The following HS6ST3 variants were observed in gnomAD, a reference collection of about 807,000 sequenced individuals.
The protein encoded by HS6ST3 is heparan sulfate 6-O-sulfotransferase 3, also known as heparan-sulfate 6-O-sulfotransferase 3.
In HS6ST3, 12 loss-of-function variants were observed where a neutral mutation model predicts 36.7. The observed-to-expected ratio is 0.33, with a 90% CI of 0.21 to 0.53. HS6ST3 has a LOEUF of 0.53. Among genes scored for constraint, HS6ST3 ranks in the 20% least tolerant of loss-of-function variants. The pLI is 0.95. For missense variants in HS6ST3, 584 were observed against 640.9 expected (o/e 0.91, Z 0.96); for synonymous variants, 240 against 257.5 (o/e 0.93, Z 0.65).
chr13:96,798,691 G>A (rs990520113), intron 1 of HS6ST3, among the ~76,000 whole-genome samples: 2 of 151,930 alleles, frequency 1.3e-5, no homozygotes, highest in African/African-American at 4.8e-5. Flanking sequence ...ATAGAGTTAG[G>A]GTAAGGATAA....
intron 1 of HS6ST3, among the ~76,000 whole-genome samples, chr13:96,374,952 A>G (rs117863023): frequency 0.045 from 6,830 of 152,198 alleles, 209 homozygotes; most frequent in Middle Eastern, 0.082. Context: ...TTTACCATTC[A>G]TAAGCTTTTC....
chr13:96,535,726 G>A (rs1397854820), intron 1 of HS6ST3, among the ~76,000 whole-genome samples: 1 of 152,144 alleles, frequency 6.6e-6, no homozygotes, highest in Admixed American at 6.5e-5. Flanking sequence ...ACAGGTAGTA[G>A]ATGAGGGAAT....
chr13:96,310,797 T>C lies in HS6ST3; in HGVS notation c.707+219228T>C, dbSNP rs1224233021. ...TGTGGCATTTTTTTGGGTTCTTCTC[T>C]TTTTCAGTGCTACCCTTAATATTCA... On this transcript the variant is annotated intron_variant, in intron 1 of 1. Coordinates refer to ENST00000376705, the MANE Select transcript of HS6ST3 (RefSeq NM_153456.4). 3.3e-5 allele frequency among the ~76,000 whole-genome samples: 5 copies of C among 152,188 alleles called. No homozygotes were observed. In the South Asian group the frequency reaches 6.2e-4, roughly 19 times the overall value.
At chr13:96,412,457 A>G (rs1412531886) in intron 1 of HS6ST3, among the ~76,000 whole-genome samples, 1 of 152,166 alleles carries the variant, frequency 6.6e-6, no homozygotes, top group Admixed American at 6.5e-5. Flanking sequence ...AGAGGATGGG[A>G]TGATATAATT....
chr13:96,771,206 G>A (rs1877254428), intron 1 of HS6ST3, among the ~76,000 whole-genome samples: 2 of 147,036 alleles, frequency 1.4e-5, no homozygotes, highest in South Asian at 4.5e-4. Context: ...TCACTCATAG[G>A]TGGGAATTGA....
intron 1 of HS6ST3, chr13:96,573,866 A>T (rs994760399): frequency 4.3e-6 from 2 of 461,142 alleles, no homozygotes; most frequent in Admixed American, 2.9e-5. Context: ...TGAATCCAGC[A>T]TCAGGAGCAC....
chr13:96,480,395 T>C (rs2055884846), intron 1 of HS6ST3, among the ~76,000 whole-genome samples: 1 of 152,204 alleles, frequency 6.6e-6, no homozygotes, highest in Non-Finnish European at 1.5e-5. Flanking sequence ...ATTACAGGCA[T>C]GAGCCACTGC....
intron 1 of HS6ST3, among the ~76,000 whole-genome samples, chr13:96,180,187 T>TAC (rs1347005469): frequency 2.6e-5 from 4 of 151,990 alleles, no homozygotes; most frequent in Admixed American, 2.0e-4. Flanking sequence ...TATGCGGACA[T>TAC]ACACACGCAC....
intron 1 of HS6ST3, among the ~76,000 whole-genome samples, chr13:96,793,916 G>A (rs1334446984): frequency 1.3e-5 from 2 of 151,954 alleles, no homozygotes; most frequent in African/African-American, 4.8e-5. Context: ...AATCCCTCAG[G>A]AGGAAATAAG....
At chr13:96,199,932 C>T (rs2054332843) in intron 1 of HS6ST3, among the ~76,000 whole-genome samples, 1 of 152,052 alleles carries the variant, frequency 6.6e-6, no homozygotes, top group African/African-American at 2.4e-5. Flanking sequence ...AGCCACCAGC[C>T]TTGGTAGCCG....
At chr13:96,749,614 A>T (rs1163452585) in intron 1 of HS6ST3, among the ~76,000 whole-genome samples, 1 of 152,004 alleles carries the variant, frequency 6.6e-6, no homozygotes, top group East Asian at 1.9e-4. Flanking sequence ...AATTTAAGTC[A>T]GATAAATACA....
At chr13:96,726,181 G>A (rs1876002743) in intron 1 of HS6ST3, among the ~76,000 whole-genome samples, 2 of 152,116 alleles carry the variant, frequency 1.3e-5, no homozygotes, top group Non-Finnish European at 2.9e-5. Context: ...TGATTTTGAT[G>A]TTTTTATCTA....
chr13:96,176,541 C>CAAA (rs112198287), intron 1 of HS6ST3, among the ~76,000 whole-genome samples: 2 of 98,972 alleles, frequency 2.0e-5, no homozygotes, highest in Non-Finnish European at 4.4e-5. Flanking sequence ...GTGGTCTTGC[C>CAAA]AAAAAAAAAA....
intron 1 of HS6ST3, among the ~76,000 whole-genome samples, chr13:96,613,191 G>T (rs2138989893): frequency 6.6e-6 from 1 of 152,234 alleles, no homozygotes; most frequent in African/African-American, 2.4e-5. Context: ...TAGAATTTAA[G>T]CATCTTGAAG....
chr13:96,103,118 A>G (rs973679629), intron 1 of HS6ST3, among the ~76,000 whole-genome samples: 4 of 152,296 alleles, frequency 2.6e-5, no homozygotes, highest in Middle Eastern at 3.4e-3. Flanking sequence ...CCTGAAAATG[A>G]TGGTTATTAA....
intron 1 of HS6ST3, among the ~76,000 whole-genome samples, chr13:96,249,235 A>G (rs1209056246): frequency 1.3e-5 from 2 of 152,166 alleles, no homozygotes; most frequent in African/African-American, 4.8e-5. Flanking sequence ...AATATAACAT[A>G]GTAGGGAGGA....
At chr13:96,788,696 T>A (rs1346301133) in intron 1 of HS6ST3, among the ~76,000 whole-genome samples, 6 of 152,020 alleles carry the variant, frequency 3.9e-5, no homozygotes, top group African/African-American at 1.4e-4. Context: ...TCATGTTTTT[T>A]GAAGTTCTAT....
chr13:96,404,221 T>A (rs1169289736), intron 1 of HS6ST3, among the ~76,000 whole-genome samples: 3 of 152,156 alleles, frequency 2.0e-5, no homozygotes, highest in Non-Finnish European at 4.4e-5. Context: ...CACATTTTAT[T>A]TTTGGAGAAA....
At chr13:96,138,503 A>T (rs1308985363) in intron 1 of HS6ST3, among the ~76,000 whole-genome samples, 1 of 151,126 alleles carries the variant, frequency 6.6e-6, no homozygotes, top group Non-Finnish European at 1.5e-5. Context: ...CAGTTAATAA[A>T]ATTTGATACA....
Sources: allele counts gnomAD v4.1 joint callset (sites outside exome capture counted in the v4.1 genomes callset), GRCh38; gene constraint gnomAD v4.1.1; transcripts MANE v1.5; gene names NCBI Gene and HGNC (gene_info 2026-07-23, HGNC 2026-07-21).